TP63: variants seen among roughly 807,000 people sequenced by gnomAD.
TP63 encodes the protein tumor protein 63.
Under a neutral mutation model 82.8 loss-of-function variants are expected in TP63, and 17 were observed. The observed-to-expected ratio is 0.21, with a 90% CI of 0.14 to 0.31. The LOEUF (loss-of-function observed/expected upper bound fraction) is 0.31, where lower values mean the gene tolerates loss of function less well. Ranked by LOEUF, TP63 falls within the 10% of genes least tolerant of loss-of-function variation. The pLI, the probability that TP63 is intolerant of heterozygous loss-of-function variation, is 1.00. For synonymous variants in TP63, 330 were observed against 321.7 expected, an observed-to-expected ratio of 1.03 and a Z score of -0.28; for missense variants, 648 against 895.3, an observed-to-expected ratio of 0.72 and a Z score of 3.52.
intron 12 of TP63, among the ~76,000 whole-genome samples, chr3:189,890,293 T>A (rs1720884878): frequency 6.6e-6 from 1 of 152,166 alleles, no homozygotes; most frequent in Non-Finnish European, 1.5e-5. Context: ...AGGAAGGGGA[T>A]CTGTATCCTG....
chr3:189,880,411 G>T, intron 10 of TP63: 1 of 1,121,618 alleles, frequency 8.9e-7, no homozygotes, highest in Non-Finnish European at 1.1e-6. Flanking sequence ...TCCTTAGACC[G>T]GCCATTGGTG....
At chr3:189,713,158 A>G (rs1037654720) in intron 1 of TP63, among the ~76,000 whole-genome samples, 2 of 152,140 alleles carry the variant, frequency 1.3e-5, no homozygotes, top group African/African-American at 4.8e-5. Flanking sequence ...TGGCCACTTC[A>G]TCTCCATTTG....
intron 3 of TP63, among the ~76,000 whole-genome samples, chr3:189,790,742 G>A (rs1217768976): frequency 6.6e-6 from 1 of 152,078 alleles, no homozygotes; most frequent in Non-Finnish European, 1.5e-5. Flanking sequence ...GAGAGAGAGA[G>A]TTCGGTGTTT....
chr3:189,699,948 G>A (rs1399134234), intron 1 of TP63, among the ~76,000 whole-genome samples: 2 of 152,082 alleles, frequency 1.3e-5, no homozygotes. Flanking sequence ...CTCAGCTTTG[G>A]CAGTATCTTG....
chr3:189,631,973 T>C (rs1353569677), intron 1 of TP63, among the ~76,000 whole-genome samples: 1 of 152,158 alleles, frequency 6.6e-6, no homozygotes, highest in Non-Finnish European at 1.5e-5. Context: ...CATTAAGAAA[T>C]AGATAACTAG....
intron 1 of TP63, among the ~76,000 whole-genome samples, chr3:189,647,887 A>T (rs1281705417): frequency 1.4e-5 from 2 of 147,270 alleles, no homozygotes; most frequent in African/African-American, 2.5e-5. Context: ...TATTTATTTC[A>T]CTTGCAATGG....
At chr3:189,635,313 G>A (rs952332474) in intron 1 of TP63, among the ~76,000 whole-genome samples, 15 of 152,196 alleles carry the variant, frequency 9.9e-5, no homozygotes, top group Middle Eastern at 3.4e-3. Context: ...CCAAAAGGAA[G>A]AGTGATGACA....
chr3:189,680,432 A>G (rs1278704706), intron 1 of TP63, among the ~76,000 whole-genome samples: 1 of 152,184 alleles, frequency 6.6e-6, no homozygotes, highest in Non-Finnish European at 1.5e-5. Flanking sequence ...CACCAAACTC[A>G]TTTTAGGAGA....
At chr3:189,836,674 G>C (rs1395881900) in intron 4 of TP63, among the ~76,000 whole-genome samples, 1 of 152,072 alleles carries the variant, frequency 6.6e-6, no homozygotes, top group African/African-American at 2.4e-5. Context: ...GGTGTGATAA[G>C]CCCCATCAGT....
At chr3:189,869,902 G>T (rs906136367) in intron 9 of TP63, among the ~76,000 whole-genome samples, 4 of 152,052 alleles carry the variant, frequency 2.6e-5, no homozygotes, top group Admixed American at 2.6e-4. Context: ...TTGAGAGCTG[G>T]TGATACAAAG....
chr3:189,889,240 T>C, intron 11 of TP63, 100 bp from the exon 12 acceptor site: 1 of 1,553,146 alleles, frequency 6.4e-7, no homozygotes, highest in Non-Finnish European at 8.9e-7. Context: ...AGGCTGGTAG[T>C]TTAGGCCCTT....
intron 1 of TP63, among the ~76,000 whole-genome samples, chr3:189,655,682 G>C (rs940785506): frequency 6.6e-6 from 1 of 152,158 alleles, no homozygotes; most frequent in Non-Finnish European, 1.5e-5. Context: ...AAACTGCTTA[G>C]CTAGAACAGA....
intron 1 of TP63, among the ~76,000 whole-genome samples, chr3:189,665,307 A>G (rs1714288288): frequency 6.6e-6 from 1 of 152,120 alleles, no homozygotes. Flanking sequence ...AACATGTGTC[A>G]GCATGCCACT....
At chr3:189,607,427 AAACTT>A in the TP63 span, among the ~76,000 whole-genome samples, 1 of 152,212 alleles carries the variant, frequency 6.6e-6, no homozygotes, top group Non-Finnish European at 1.5e-5. Flanking sequence ...TTATTTTTAA[AAACTT>A]AATAGAAAAA....
intron 3 of TP63, among the ~76,000 whole-genome samples, chr3:189,758,319 C>T (rs1722335550): frequency 6.6e-6 from 1 of 152,200 alleles, no homozygotes; most frequent in Admixed American, 6.5e-5. Flanking sequence ...CTGTGTGGTC[C>T]AGTTCCTAAC....
intron 1 of TP63, among the ~76,000 whole-genome samples, chr3:189,677,169 A>G (rs1173438459): frequency 6.6e-6 from 1 of 151,136 alleles, no homozygotes; most frequent in African/African-American, 2.4e-5. Context: ...CATTCTTTTT[A>G]TGGTTGAATA....
intron 3 of TP63, among the ~76,000 whole-genome samples, chr3:189,792,010 T>C (rs1229546868): frequency 6.6e-6 from 1 of 151,998 alleles, no homozygotes; most frequent in African/African-American, 2.4e-5. Flanking sequence ...AGAGTGAAAA[T>C]TATTTAAAAA....
chr3:189,714,079 G>A (rs1354100665), intron 1 of TP63, among the ~76,000 whole-genome samples: 1 of 152,090 alleles, frequency 6.6e-6, no homozygotes, highest in Non-Finnish European at 1.5e-5. Context: ...TTTATATGTG[G>A]TATTCACAGA....
At chr3:189,625,453 T>TAAA in the TP63 span, among the ~76,000 whole-genome samples, 2 of 149,486 alleles carry the variant, frequency 1.3e-5, no homozygotes. Context: ...TAAAAGATAC[T>TAAA]AAAAAAAAAA....
Sources: gnomAD v4.1 joint callset for allele counts (sites outside exome capture counted in the v4.1 genomes callset) on GRCh38, gnomAD v4.1.1 for gene constraint, MANE v1.5 for transcripts, NCBI Gene and HGNC (gene_info 2026-07-23, HGNC 2026-07-21) for gene names.